PSD3: variants seen among roughly 807,000 people sequenced by gnomAD.
PSD3 encodes the protein PH and SEC7 domain-containing protein 3.
A neutral mutation model predicts 105.5 loss-of-function variants in PSD3; 49 were observed. The ratio of observed to expected loss-of-function variants is 0.46; its 90% confidence interval spans 0.37 to 0.59. PSD3 has a LOEUF of 0.59. PSD3 is among the 20% of genes least tolerant of loss of function. PSD3 has a pLI of 0.00. For synonymous variants in PSD3, 557 were observed against 457.8 expected (o/e 1.22, Z -2.77); for missense variants, 1,561 against 1,263.8 (o/e 1.24, Z -3.57).
At chr8:19,052,552 T>G (rs919150349) in intron 1 of PSD3, among the ~76,000 whole-genome samples, 9 of 152,172 alleles carry the variant, frequency 5.9e-5, no homozygotes, top group African/African-American at 2.2e-4. Context: ...AGAATTGGTT[T>G]AGTCTGGAAA....
intron 2 of PSD3, among the ~76,000 whole-genome samples, chr8:18,889,262 G>C (rs1818632701): frequency 6.6e-6 from 1 of 152,034 alleles, no homozygotes; most frequent in South Asian, 2.1e-4. Flanking sequence ...GTTTTGTTTT[G>C]TTTGTATTGA....
intron 1 of PSD3, among the ~76,000 whole-genome samples, chr8:18,952,230 A>C (rs67407214): frequency 0.39 from 59,684 of 152,032 alleles, 11,900 homozygotes; most frequent in Non-Finnish European, 0.41. Flanking sequence ...TCCACGGTCA[A>C]TGATCTCCAG....
chr8:18,624,538 G>C (rs1806342228), intron 11 of PSD3, among the ~76,000 whole-genome samples: 1 of 103,582 alleles, frequency 9.7e-6, no homozygotes, highest in Admixed American at 1.2e-4. Context: ...GACTGTTGTG[G>C]GGTGGGGGGA....
At chr8:18,993,309 A>G (rs1192156748) in intron 1 of PSD3, among the ~76,000 whole-genome samples, 43 of 152,066 alleles carry the variant, frequency 2.8e-4, no homozygotes, top group Non-Finnish European at 1.5e-5. Context: ...TCCTGACATC[A>G]CATGATTTTT....
chr8:18,627,892 A>C (rs536528906), intron 11 of PSD3, among the ~76,000 whole-genome samples: 1 of 152,170 alleles, frequency 6.6e-6, no homozygotes, highest in African/African-American at 2.4e-5. Flanking sequence ...AGGTTATCAA[A>C]GAGAAGAACC....
At chr8:18,563,656 T>C (rs1801541907) in intron 14 of PSD3, among the ~76,000 whole-genome samples, 1 of 152,202 alleles carries the variant, frequency 6.6e-6, no homozygotes, top group African/African-American at 2.4e-5. Context: ...CCACATGATT[T>C]AATTACTTGT....
At chr8:19,008,547 T>C (rs1369630976) in intron 1 of PSD3, among the ~76,000 whole-genome samples, 2 of 152,186 alleles carry the variant, frequency 1.3e-5, no homozygotes, top group African/African-American at 4.8e-5. Flanking sequence ...TCAAATAACT[T>C]CTTGAAAGTA....
chr8:18,966,174 G>C (rs1824230175), intron 1 of PSD3, among the ~76,000 whole-genome samples: 1 of 152,166 alleles, frequency 6.6e-6, no homozygotes, highest in African/African-American at 2.4e-5. Context: ...TGCTCACTAA[G>C]ATGGATTTCT....
intron 9 of PSD3, among the ~76,000 whole-genome samples, chr8:18,673,172 T>G: frequency 6.6e-6 from 1 of 151,620 alleles, no homozygotes; most frequent in Non-Finnish European, 1.5e-5. Flanking sequence ...AAGTGAACAT[T>G]TATTTGGTTC....
intron 1 of PSD3, among the ~76,000 whole-genome samples, chr8:18,952,905 A>G (rs994616558): frequency 6.6e-6 from 1 of 152,202 alleles, no homozygotes; most frequent in African/African-American, 2.4e-5. Context: ...TGACCACCAC[A>G]GGTCTGACAG....
chr8:18,904,308 G>A (rs977111606), intron 2 of PSD3, among the ~76,000 whole-genome samples: 4 of 152,158 alleles, frequency 2.6e-5, no homozygotes, highest in Non-Finnish European at 5.9e-5. Context: ...ATAGACCCCA[G>A]GATTGTACAG....
intron 15 of PSD3, among the ~76,000 whole-genome samples, chr8:18,539,496 C>T (rs977058187): frequency 2.7e-5 from 4 of 150,880 alleles, no homozygotes; most frequent in Non-Finnish European, 5.9e-5. Context: ...TAAATGAAAG[C>T]TGGTGTGTAA....
intron 1 of PSD3, among the ~76,000 whole-genome samples, chr8:19,065,182 T>G (rs1295485127): frequency 1.3e-5 from 2 of 152,184 alleles, no homozygotes; most frequent in African/African-American, 4.8e-5. Flanking sequence ...TCCATCTTTT[T>G]CTGCCTATAA....
intron 4 of PSD3, among the ~76,000 whole-genome samples, chr8:18,807,528 C>G (rs1811308128): frequency 6.6e-6 from 1 of 152,160 alleles, no homozygotes; most frequent in Non-Finnish European, 1.5e-5. Flanking sequence ...TTAGGTCTAC[C>G]AAACCCATGC....
intron 14 of PSD3, among the ~76,000 whole-genome samples, chr8:18,566,906 T>A (rs17517777): frequency 0.099 from 15,003 of 152,236 alleles, 768 homozygotes; most frequent in South Asian, 0.21. Context: ...GTGCCTACCA[T>A]GATAAATGTG....
At chr8:19,060,201 A>C (rs2129477505) in intron 1 of PSD3, among the ~76,000 whole-genome samples, 1 of 152,350 alleles carries the variant, frequency 6.6e-6, no homozygotes, top group South Asian at 2.1e-4. Flanking sequence ...TTTAAGGATT[A>C]TGTGGATTCA....
chr8:19,014,302 C>T (rs1482889741), upstream of PSD3: 4 of 152,202 alleles, frequency 2.6e-5, no homozygotes, highest in African/African-American at 9.6e-5. The surrounding 1 kb of genome is among the most constrained non-coding windows in gnomAD (Gnocchi z 4.9). Flanking sequence ...GTCCCGGGGA[C>T]CCGTCGAGCC....
chr8:18,804,093 T>C (rs924889537), intron 6 of PSD3, among the ~76,000 whole-genome samples: 1 of 152,200 alleles, frequency 6.6e-6, no homozygotes, highest in Non-Finnish European at 1.5e-5. Context: ...TTTCGTTAAA[T>C]GAATACGTTT....
chr8:18,572,179 T>G (rs1802184404), intron 14 of PSD3, among the ~76,000 whole-genome samples: 1 of 152,162 alleles, frequency 6.6e-6, no homozygotes, highest in African/African-American at 2.4e-5. Flanking sequence ...AAATGCTCAA[T>G]AAAAATGAGC....
Sources: gnomAD v4.1 joint callset for allele counts (sites outside exome capture counted in the v4.1 genomes callset) on GRCh38, gnomAD v4.1.1 for gene constraint, Gnocchi (gnomAD v3.1) non-coding constraint, MANE v1.5 for transcripts, NCBI Gene and HGNC (gene_info 2026-07-23, HGNC 2026-07-21) for gene names.